The following ACER3 variants were observed in gnomAD, a reference collection of about 807,000 sequenced individuals.
The protein encoded by ACER3 is alkCDase 3.
A neutral mutation model predicts 48.9 loss-of-function variants in ACER3; 16 were observed. The ratio of observed to expected loss-of-function variants is 0.33; its 90% confidence interval spans 0.22 to 0.50. ACER3 has a LOEUF of 0.50. Ranked by LOEUF, ACER3 falls within the 20% of genes least tolerant of loss-of-function variation. The pLI, the probability that ACER3 is intolerant of heterozygous loss-of-function variation, is 0.98. For missense variants in ACER3, 227 were observed against 326.0 expected (o/e 0.70, Z 2.34); for synonymous variants, 109 against 107.8 (o/e 1.01, Z -0.07).
chr11:76,929,666 T>C (rs866792626), intron 2 of ACER3, among the ~76,000 whole-genome samples: 12 of 152,232 alleles, frequency 7.9e-5, no homozygotes, highest in African/African-American at 2.4e-4. Context: ...TTATTGAGAG[T>C]TTTTAGCACG....
chr11:76,909,694 T>C (rs906109458), intron 1 of ACER3, among the ~76,000 whole-genome samples: 2 of 152,144 alleles, frequency 1.3e-5, no homozygotes, highest in Non-Finnish European at 2.9e-5. Context: ...AGTTCAACCA[T>C]TGTGGAAGAC....
intron 1 of ACER3, among the ~76,000 whole-genome samples, chr11:76,918,364 T>C (rs928185021): frequency 3.5e-4 from 54 of 152,194 alleles, no homozygotes; most frequent in Non-Finnish European, 1.6e-4. Context: ...TTTTTTTCTT[T>C]AAGCTTAGCG....
chr11:76,877,585 G>T (rs1043490179), intron 1 of ACER3, among the ~76,000 whole-genome samples: 4 of 151,758 alleles, frequency 2.6e-5, no homozygotes, highest in Non-Finnish European at 5.9e-5. Flanking sequence ...AAATCCCATT[G>T]ATCACTAGAG....
intron 1 of ACER3, among the ~76,000 whole-genome samples, chr11:76,871,800 G>C (rs1945246827): frequency 6.6e-6 from 1 of 152,160 alleles, no homozygotes; most frequent in Admixed American, 6.5e-5. Flanking sequence ...GCTTTGCAGG[G>C]CCATTTCAAA....
At chr11:76,990,091 G>A (rs1948767325) in intron 5 of ACER3, among the ~76,000 whole-genome samples, 1 of 152,172 alleles carries the variant, frequency 6.6e-6, no homozygotes, top group Non-Finnish European at 1.5e-5. Flanking sequence ...TCCAGATGAG[G>A]AAGGATGCGT....
At chr11:76,900,452 A>G (rs764620642) in intron 1 of ACER3, among the ~76,000 whole-genome samples, 1 of 152,090 alleles carries the variant, frequency 6.6e-6, no homozygotes, top group Non-Finnish European at 1.5e-5. Context: ...CTTTTCCACT[A>G]TTTGCTTTAG....
intron 1 of ACER3, among the ~76,000 whole-genome samples, chr11:76,910,232 C>G (rs752499595): frequency 2.6e-5 from 4 of 151,990 alleles, no homozygotes; most frequent in Non-Finnish European, 5.9e-5. Flanking sequence ...TGTAACAAAC[C>G]TGCACGTTCT....
rs1052885959 is a variant in ACER3 at position 77,022,131 on chromosome 11, C to T, written c.*1804C>T. On this transcript the variant is annotated 3_prime_UTR_variant, in exon 11 of 11. Transcript: ENST00000532485. Reference sequence around the variant, plus strand: ...TGTTTTCCACCATTATATTTTTATACTTTTCAGTTAGATATACTTCTGCAT... The same window carrying T: ...TGTTTTCCACCATTATATTTTTATATTTTTCAGTTAGATATACTTCTGCAT... The T allele has an allele frequency of 3.3e-5, 5 of 152,146 alleles. No homozygotes were observed. Among genetic ancestry groups the T allele is most frequent in the African/African-American group, 4.8e-5 (2 of 41,432 alleles). The allele number at this position is 152,146 out of a possible 1,614,324, so 9.4% of individuals were successfully genotyped here. A position where few individuals can be genotyped will look rare whatever the true frequency, so the allele number is the denominator to read the frequency against.
At chr11:77,018,310 G>T (rs782503281) in intron 9 of ACER3, among the ~76,000 whole-genome samples, 1 of 152,132 alleles carries the variant, frequency 6.6e-6, no homozygotes. Context: ...CATAGAAGAC[G>T]GTGAACTTAA....
chr11:76,871,184 G>T (rs1945232988), intron 1 of ACER3, among the ~76,000 whole-genome samples: 1 of 152,124 alleles, frequency 6.6e-6, no homozygotes, highest in South Asian at 2.1e-4. Flanking sequence ...TTTGCAATTA[G>T]CTTTTTGAGG....
At chr11:76,958,468 C>T (rs1045579606) in intron 2 of ACER3, among the ~76,000 whole-genome samples, 5 of 151,606 alleles carry the variant, frequency 3.3e-5, no homozygotes, top group Admixed American at 6.6e-5. Flanking sequence ...ATTACAGGCG[C>T]GAGCCACTGT....
intron 4 of ACER3, among the ~76,000 whole-genome samples, chr11:76,979,840 T>TTA (rs67178415): frequency 1.5e-4 from 23 of 150,008 alleles, no homozygotes; most frequent in African/African-American, 4.9e-4. Flanking sequence ...AACATTTTAT[T>TTA]AAAAAAAAAA....
intron 1 of ACER3, among the ~76,000 whole-genome samples, chr11:76,896,903 T>C (rs1438097956): frequency 6.6e-6 from 1 of 151,838 alleles, no homozygotes; most frequent in South Asian, 2.1e-4. Context: ...TACACAGATA[T>C]ATGTAGTTGT....
chr11:76,886,574 G>A (rs1412302696), intron 1 of ACER3, among the ~76,000 whole-genome samples: 2 of 152,176 alleles, frequency 1.3e-5, no homozygotes, highest in Non-Finnish European at 2.9e-5. Context: ...CTGCAAAGGA[G>A]GATTTTGATC....
chr11:76,932,907 A>C (rs1947048425), intron 2 of ACER3, among the ~76,000 whole-genome samples: 1 of 152,128 alleles, frequency 6.6e-6, no homozygotes, highest in Non-Finnish European at 1.5e-5. Flanking sequence ...TAAAGGCAGA[A>C]TCTATGAAAG....
chr11:76,917,489 G>A (rs1421176182), intron 1 of ACER3, among the ~76,000 whole-genome samples: 1 of 151,986 alleles, frequency 6.6e-6, no homozygotes, highest in Non-Finnish European at 1.5e-5. Context: ...TGAGGTGGGA[G>A]GATCATTTCA....
At chr11:76,884,154 G>C (rs1945611952) in intron 1 of ACER3, among the ~76,000 whole-genome samples, 1 of 152,124 alleles carries the variant, frequency 6.6e-6, no homozygotes. Context: ...CTGTGAGCAT[G>C]TGCAGTTTTT....
chr11:76,974,639 A>C (rs1336880290), intron 3 of ACER3, among the ~76,000 whole-genome samples: 1 of 152,194 alleles, frequency 6.6e-6, no homozygotes, highest in Non-Finnish European at 1.5e-5. Flanking sequence ...GAAGAGGAGA[A>C]GCTTAAGTAG....
chr11:76,896,605 AC>A (rs1159682199), intron 1 of ACER3, among the ~76,000 whole-genome samples: 1 of 151,916 alleles, frequency 6.6e-6, no homozygotes, highest in Non-Finnish European at 1.5e-5. Context: ...GCTAAAGACG[AC>A]CCCTCTACCC....
Sources: allele counts gnomAD v4.1 joint callset (sites outside exome capture counted in the v4.1 genomes callset), GRCh38; gene constraint gnomAD v4.1.1; transcripts MANE v1.5; gene names NCBI Gene and HGNC (gene_info 2026-07-23, HGNC 2026-07-21).